The following PFDN4 variants were observed in gnomAD, a reference collection of about 807,000 sequenced individuals.
PFDN4 encodes the protein prefoldin 4.
A neutral mutation model predicts 17.6 loss-of-function variants in PFDN4; 6 were observed. The observed-to-expected ratio is 0.34, with a 90% CI of 0.19 to 0.67. The LOEUF is 0.67. Among genes scored for constraint, PFDN4 ranks in the 30% least tolerant of loss-of-function variants. The probability of loss-of-function intolerance (pLI) is 0.68; values close to 1 mark genes in which losing one functional copy is unlikely to be tolerated. For missense variants in PFDN4, 119 were observed against 158.4 expected (o/e 0.75, Z 1.33); for synonymous variants, 48 against 51.1 (o/e 0.94, Z 0.26).
chr20:54,210,343 A>G (rs1030285031), intron 1 of PFDN4, among the ~76,000 whole-genome samples: 5 of 152,226 alleles, frequency 3.3e-5, no homozygotes, highest in Admixed American at 1.3e-4. Flanking sequence ...TTCCCGATAG[A>G]TTAGCTTGCA....
intron 1 of PFDN4, chr20:54,208,933 T>A (rs1267769806): frequency 6.6e-6 from 1 of 152,170 alleles, no homozygotes; most frequent in Non-Finnish European, 1.5e-5. Context: ...TTTGTTTTTC[T>A]CAAAGCACGC....
chr20:54,214,363 G>A lies in PFDN4; in HGVS notation c.37G>A (p.Val13Ile). Residue 13 changes from valine (V) to isoleucine (I), a missense_variant, in exon 2 of 4, where the codon GTC becomes ATC. Physicochemically the swap from Val to Ile is conservative, Grantham distance 29. This residue lies in a region of PFDN4 where 29 missense variants were observed against 18.9 expected (regional missense o/e 1.54). Coordinates refer to ENST00000371419, the MANE Select transcript of PFDN4 (RefSeq NM_002623.4). The stretch of plus-strand genomic sequence containing the variant: ...ACACTTCTTTCAGGCTGCAGAAGAT[G>A]TCAATGTTACTTTCGAAGATCAACA... Reference protein sequence around the residue: ...ATMKKAAAEDVNVTFEDQQKI... With the variant: ...ATMKKAAAEDINVTFEDQQKI... The A allele has an allele frequency of 6.3e-7, 1 of 1,580,450 alleles. No homozygotes were observed. The highest frequency in any genetic ancestry group is 8.7e-7 in the Non-Finnish European group (1 of 1,155,450).
intron 2 of PFDN4, 81 bp downstream of exon 2, chr20:54,214,539 A>G (rs2092760076): frequency 3.1e-6 from 2 of 645,876 alleles, no homozygotes; most frequent in Non-Finnish European, 5.4e-6. Flanking sequence ...AAGTGAATAT[A>G]TATTTCTCTG....
chr20:54,216,279 G>T (rs1281385573), intron 3 of PFDN4, among the ~76,000 whole-genome samples: 1 of 152,170 alleles, frequency 6.6e-6, no homozygotes, highest in Non-Finnish European at 1.5e-5. Flanking sequence ...CAGCCACGTT[G>T]TTTGTCTATG....
At chr20:54,216,493 T>A (rs1162554776) in intron 3 of PFDN4, among the ~76,000 whole-genome samples, 1 of 152,172 alleles carries the variant, frequency 6.6e-6, no homozygotes, top group African/African-American at 2.4e-5. Flanking sequence ...AATCTTTTCT[T>A]CTTGGTCAAA....
chr20:54,215,659 T>C (rs1172679007), intron 3 of PFDN4, among the ~76,000 whole-genome samples: 2 of 152,258 alleles, frequency 1.3e-5, no homozygotes, highest in East Asian at 1.9e-4. Context: ...AGAGAGGTTA[T>C]GGGATTTATT....
chr20:54,215,151 A>G, intron 2 of PFDN4, 149 bp from the exon 3 acceptor site: 1 of 526,236 alleles, frequency 1.9e-6, no homozygotes, highest in South Asian at 4.0e-5. Flanking sequence ...TGTCTTCTAA[A>G]AAGTTACAAA....
Position 54,219,600 on chromosome 20 carries a change from A to G in PFDN4, c.*450A>G. On this transcript the variant is annotated 3_prime_UTR_variant, in exon 4 of 4. Transcript: ENST00000371419. The stretch of plus-strand genomic sequence containing the variant: ...CTAAAGCTTTGTCATAGACTTCAAA[A>G]TATATATGTATATATTTTATTTAAA... 2.5e-6 allele frequency: 1 copy of G among 393,378 alleles called. No individual in the cohort carries two copies. Among genetic ancestry groups the G allele is most frequent in the Non-Finnish European group, 4.5e-6 (1 of 223,658 alleles). The allele number at this position is 393,378 out of a possible 1,614,324, so 24.4% of individuals were successfully genotyped here. A position where few individuals can be genotyped will look rare whatever the true frequency, so the allele number is the denominator to read the frequency against.
intron 1 of PFDN4, among the ~76,000 whole-genome samples, chr20:54,209,626 G>A (rs181346677): frequency 6.6e-6 from 1 of 152,298 alleles, no homozygotes; most frequent in Non-Finnish European, 1.5e-5. Flanking sequence ...TAATTCCTTG[G>A]AAGATACTAG....
At chr20:54,215,536 A>ATCTAC in intron 3 of PFDN4, 96 bp downstream of exon 3, 2 of 763,100 alleles carry the variant, frequency 2.6e-6, no homozygotes, top group Non-Finnish European at 4.1e-6. Flanking sequence ...GCTATAGCTA[A>ATCTAC]TATTTACTGC....
chr20:54,214,024 A>G (rs971108411), intron 1 of PFDN4, among the ~76,000 whole-genome samples: 6 of 152,238 alleles, frequency 3.9e-5, no homozygotes, highest in Admixed American at 2.0e-4. Context: ...ATCTTAATGA[A>G]AGAATGCTCC....
Position 54,219,357 on chromosome 20 carries a change from C to T in PFDN4, c.*207C>T, listed in dbSNP as rs538437440. On this transcript the variant is annotated 3_prime_UTR_variant, in exon 4 of 4. Transcript: ENST00000371419. ...GTATTCACCTATGTATTTTGCATAA[C>T]GATTATATCAAGTCTAGGGGCTTCA... The T allele has an allele frequency of 2.9e-5, 12 of 414,158 alleles. No homozygotes were observed. Among genetic ancestry groups the T allele is most frequent in the Non-Finnish European group, 4.2e-5 (10 of 237,970 alleles). 25.7% of individuals were successfully genotyped at this position (414,158 alleles called of 1,614,324 possible).
At chr20:54,218,702 G>C (rs943318427) in intron 3 of PFDN4, among the ~76,000 whole-genome samples, 4 of 152,144 alleles carry the variant, frequency 2.6e-5, no homozygotes, top group African/African-American at 4.8e-5. Context: ...AAGCCAGCAG[G>C]CCCAGGATAA....
At chr20:54,214,644 A>C (rs2092760246) in intron 2 of PFDN4, among the ~76,000 whole-genome samples, 186 bp downstream of exon 2, 1 of 152,084 alleles carries the variant, frequency 6.6e-6, no homozygotes. Context: ...AGAGTTGTTG[A>C]GGAGCTTGAG....
rs1277894356 is a variant in PFDN4, at chr20:54,208,463, C to T, written c.24+339C>T. On this transcript the variant is annotated intron_variant, in intron 1 of 3. Coordinates refer to ENST00000371419, the MANE Select transcript of PFDN4 (RefSeq NM_002623.4). ...CTGAGGTGTGGGAAGCCGAAGGTCC[C>T]GTTGAGTGTGGTTGGCCTTGACTCG... The T allele has an allele frequency of 5.7e-5, 18 of 315,956 alleles. 1 individual carries two copies. The Admixed American group carries it at 8.8e-4, about 15-fold the overall frequency. The allele number at this position is 315,956 out of a possible 1,614,324, so 19.6% of individuals were successfully genotyped here.
chr20:54,211,919 G>A (rs546340046), intron 1 of PFDN4, among the ~76,000 whole-genome samples: 40 of 152,250 alleles, frequency 2.6e-4, no homozygotes, highest in African/African-American at 7.9e-4. Context: ...CTGGCTGGGC[G>A]TGGTGGCTCA....
intron 3 of PFDN4, among the ~76,000 whole-genome samples, chr20:54,218,487 G>A (rs958980188): frequency 6.6e-6 from 1 of 152,088 alleles, no homozygotes; most frequent in Non-Finnish European, 1.5e-5. Context: ...AGTTTTCACT[G>A]GGCAAAGCTG....
At chr20:54,211,296 C>A (rs2092755483) in intron 1 of PFDN4, among the ~76,000 whole-genome samples, 1 of 152,182 alleles carries the variant, frequency 6.6e-6, no homozygotes, top group African/African-American at 2.4e-5. Context: ...CTCCTCTAAT[C>A]CCGTAAGATA....
At chr20:54,212,313 C>T (rs1400226023) in intron 1 of PFDN4, among the ~76,000 whole-genome samples, 1 of 152,184 alleles carries the variant, frequency 6.6e-6, no homozygotes, top group Non-Finnish European at 1.5e-5. Flanking sequence ...GCACTGACAT[C>T]TTACTGTCTG....
Sources: gnomAD v4.1 joint callset for allele counts (sites outside exome capture counted in the v4.1 genomes callset) on GRCh38, gnomAD v4.1.1 for gene constraint, gnomAD v4.1.1 regional missense constraint, MANE v1.5 for transcripts, NCBI Gene and HGNC (gene_info 2026-07-23, HGNC 2026-07-21) for gene names.